The following P2RY14 variants were observed in gnomAD, a reference collection of about 807,000 sequenced individuals.
The protein encoded by P2RY14 is P2Y purinoceptor 14.
P2RY14 carries 2 observed loss-of-function variants against 0.9 expected under a neutral mutation model. The ratio of observed to expected loss-of-function variants is 2.16; its 90% CI spans 0.88 to 6.79. P2RY14 has a LOEUF of 6.79. Ranked by LOEUF, P2RY14 falls within the 30% of genes most tolerant of loss-of-function variation. The probability of loss-of-function intolerance (pLI) is 0.05; values close to 1 mark genes in which losing one functional copy is unlikely to be tolerated. For synonymous variants in P2RY14, 158 were observed against 147.2 expected, an observed-to-expected ratio of 1.07 and a Z score of -0.53; for missense variants, 378 against 400.1, an observed-to-expected ratio of 0.94 and a Z score of 0.47.
chr3:151,250,158 C>G (rs1442250518), intron 1 of P2RY14, among the ~76,000 whole-genome samples: 5 of 152,202 alleles, frequency 3.3e-5, no homozygotes, highest in Admixed American at 6.6e-5. Context: ...CTAGTCCACT[C>G]TGCCTTCTGT....
At chr3:151,261,596 A>C (rs946813844) in intron 1 of P2RY14, among the ~76,000 whole-genome samples, 1 of 152,206 alleles carries the variant, frequency 6.6e-6, no homozygotes, top group African/African-American at 2.4e-5. Flanking sequence ...GCATGACCTG[A>C]GAACTTGCTG....
At chr3:151,267,942 TGC>T (rs759386033) in intron 1 of P2RY14, among the ~76,000 whole-genome samples, 14 of 152,306 alleles carry the variant, frequency 9.2e-5, no homozygotes, top group Non-Finnish European at 1.8e-4. Context: ...ACTTAAGAAA[TGC>T]GCTATTATCC....
intron 1 of P2RY14, among the ~76,000 whole-genome samples, chr3:151,275,932 G>A (rs895632656): frequency 7.2e-5 from 11 of 152,130 alleles, no homozygotes; most frequent in African/African-American, 2.7e-4. Flanking sequence ...TATGGGTGTA[G>A]CACCAGACTT....
chr3:151,228,926 C>G (rs560590106), intron 1 of P2RY14, among the ~76,000 whole-genome samples: 47 of 152,306 alleles, frequency 3.1e-4, no homozygotes, highest in African/African-American at 1.1e-3. Context: ...TTTCGCCTCA[C>G]TGAGATGGTA....
At chr3:151,278,259 T>A (rs759454445) in intron 1 of P2RY14, 28 bp downstream of exon 1, 4 of 152,220 alleles carry the variant, frequency 2.6e-5, no homozygotes, top group Non-Finnish European at 5.9e-5. Context: ...TACATGCAAG[T>A]CATTTCATGG....
At chr3:151,272,680 G>C (rs754109092) in intron 1 of P2RY14, among the ~76,000 whole-genome samples, 2 of 152,172 alleles carry the variant, frequency 1.3e-5, no homozygotes, top group Non-Finnish European at 2.9e-5. Flanking sequence ...GGTGGGTAGA[G>C]GTTGACAGAT....
chr3:151,270,346 AAAG>A (rs543824326), intron 1 of P2RY14, among the ~76,000 whole-genome samples: 186 of 152,060 alleles, frequency 1.2e-3, no homozygotes, highest in Non-Finnish European at 2.4e-3. Context: ...TACAATGGGA[AAAG>A]GATCTCTACC....
At chr3:151,268,990 G>A (rs1001730963) in intron 1 of P2RY14, among the ~76,000 whole-genome samples, 1 of 152,150 alleles carries the variant, frequency 6.6e-6, no homozygotes, top group African/African-American at 2.4e-5. Context: ...CTTTCCTAGC[G>A]GTGTGACCCC....
At chr3:151,264,921 T>C (rs552993115) in intron 1 of P2RY14, among the ~76,000 whole-genome samples, 1 of 150,432 alleles carries the variant, frequency 6.6e-6, no homozygotes, top group East Asian at 1.9e-4. Context: ...GTAGCCACAC[T>C]GGCCTTCTTG....
chr3:151,215,113 CT>C lies in P2RY14; in HGVS notation c.-24-774del, dbSNP rs556487682. Reference sequence around the variant, plus strand: ...TTATGGGTACCTTTTCAATATTGAGCTTTTTTTTTTTCCCATTGAAAAACTG... The same window carrying C: ...TTATGGGTACCTTTTCAATATTGAGCTTTTTTTTTTCCCATTGAAAAACTG... On this transcript the variant is annotated intron_variant, in intron 2 of 2. Transcript: ENST00000309170. 9.6e-4 allele frequency among the ~76,000 whole-genome samples: 140 copies of C among 145,240 alleles called. 1 individual carries two copies. The highest frequency in any genetic ancestry group is 3.5e-3 in the Middle Eastern group (1 of 286).
intron 1 of P2RY14, among the ~76,000 whole-genome samples, chr3:151,253,230 A>G (rs907643408): frequency 3.3e-5 from 5 of 152,162 alleles, no homozygotes; most frequent in African/African-American, 4.8e-5. Context: ...AAGCCAACAA[A>G]TATGGAGAGT....
At chr3:151,232,194 C>G (rs2149331118) in intron 1 of P2RY14, among the ~76,000 whole-genome samples, 1 of 152,250 alleles carries the variant, frequency 6.6e-6, no homozygotes, top group South Asian at 2.1e-4. Context: ...TTTCTTTTCT[C>G]TTTCTATATA....
intron 1 of P2RY14, among the ~76,000 whole-genome samples, chr3:151,277,322 C>T (rs967221297): frequency 6.6e-6 from 1 of 151,792 alleles, no homozygotes; most frequent in South Asian, 2.1e-4. Flanking sequence ...TAAATTTTAC[C>T]GAAATATAAA....
chr3:151,243,045 G>A (rs1577089422), intron 1 of P2RY14, among the ~76,000 whole-genome samples: 1 of 151,618 alleles, frequency 6.6e-6, no homozygotes, highest in East Asian at 1.9e-4. Flanking sequence ...ATGAAATGAA[G>A]CGAGAAGGGA....
At chr3:151,260,838 T>C (rs1363987142) in intron 1 of P2RY14, among the ~76,000 whole-genome samples, 1 of 152,222 alleles carries the variant, frequency 6.6e-6, no homozygotes, top group East Asian at 1.9e-4. Flanking sequence ...GCCTTAGTTG[T>C]ATTCAGACTA....
At chr3:151,227,267 A>G (rs538460950) in intron 1 of P2RY14, among the ~76,000 whole-genome samples, 51 of 152,360 alleles carry the variant, frequency 3.3e-4, no homozygotes, top group African/African-American at 1.2e-3. Context: ...CAGATACCCA[A>G]GAACTTCCTC....
At position 151,212,701 on chromosome 3, in the gene P2RY14, A is replaced by G. The variant is rs1727373936; in HGVS notation, c.*599T>C. On this transcript the variant is annotated 3_prime_UTR_variant, in exon 3 of 3. Transcript: ENST00000309170. ...GAAAAAAAAAATTTTCTTGCTAAGTATACAATTAATATTCCTCTTCCTTTG... is the reference window on the plus strand; with the variant it reads ...GAAAAAAAAAATTTTCTTGCTAAGTGTACAATTAATATTCCTCTTCCTTTG... 1 of 152,152 alleles carries G rather than the reference A, an allele frequency of 6.6e-6. No homozygotes were observed. Among genetic ancestry groups the G allele is most frequent in the Non-Finnish European group, 1.5e-5 (1 of 68,042 alleles). 9.4% of individuals were successfully genotyped at this position (152,152 alleles called of 1,614,324 possible).
intron 1 of P2RY14, among the ~76,000 whole-genome samples, chr3:151,253,608 T>C (rs1483252489): frequency 6.6e-6 from 1 of 152,232 alleles, no homozygotes; most frequent in Non-Finnish European, 1.5e-5. Context: ...GGCTTTGTAC[T>C]GTATCACAGA....
At chr3:151,222,007 C>G (rs1418797186) in intron 1 of P2RY14, among the ~76,000 whole-genome samples, 3 of 152,370 alleles carry the variant, frequency 2.0e-5, no homozygotes, top group Admixed American at 2.0e-4. Flanking sequence ...GGGAACCCAC[C>G]TCTTGCATTG....
Sources: gnomAD v4.1 joint callset for allele counts (sites outside exome capture counted in the v4.1 genomes callset) on GRCh38, gnomAD v4.1.1 for gene constraint, MANE v1.5 for transcripts, NCBI Gene and HGNC (gene_info 2026-07-23, HGNC 2026-07-21) for gene names.